ADGRB3: variants seen among roughly 807,000 people sequenced by gnomAD.
The protein encoded by ADGRB3 is adhesion G protein-coupled receptor B3, also known as brain-specific angiogenesis inhibitor 3.
Under a neutral mutation model 193.4 loss-of-function variants are expected in ADGRB3, and 37 were observed. The observed-to-expected ratio is 0.19, with a 90% CI of 0.15 to 0.25. ADGRB3 has a LOEUF of 0.25. Ranked by LOEUF, ADGRB3 falls within the 10% of genes least tolerant of loss-of-function variation. The pLI is 1.00. For synonymous variants in ADGRB3, 690 were observed against 644.2 expected, an observed-to-expected ratio of 1.07 and a Z score of -1.08; for missense variants, 1,637 against 1,852.9, an observed-to-expected ratio of 0.88 and a Z score of 2.14.
At chr6:68,807,252 T>TTA (rs1416480313) in intron 3 of ADGRB3, among the ~76,000 whole-genome samples, 2 of 143,462 alleles carry the variant, frequency 1.4e-5, no homozygotes, top group Admixed American at 1.4e-4. Context: ...TTTTTTTTTT[T>TTA]TTTGAGACAG....
At chr6:69,232,658 C>T (rs1345313112) in intron 17 of ADGRB3, 1 of 1,524,874 alleles carries the variant, frequency 6.6e-7, no homozygotes, top group Admixed American at 2.0e-5. Context: ...CCCTGGATAC[C>T]AGGCAAAGGC....
intron 17 of ADGRB3, among the ~76,000 whole-genome samples, chr6:69,227,840 G>A (rs1318949759): frequency 6.6e-6 from 1 of 152,126 alleles, no homozygotes; most frequent in Non-Finnish European, 1.5e-5. Context: ...ACCCTATTAA[G>A]AGCTATTGAT....
chr6:68,933,114 A>G (rs1395588410), intron 4 of ADGRB3, among the ~76,000 whole-genome samples: 1 of 150,988 alleles, frequency 6.6e-6, no homozygotes, highest in African/African-American at 2.4e-5. Context: ...TAATATATAT[A>G]TTTAATATAG....
At chr6:68,706,421 A>G (rs1765326519) in intron 3 of ADGRB3, among the ~76,000 whole-genome samples, 1 of 152,196 alleles carries the variant, frequency 6.6e-6, no homozygotes, top group Admixed American at 6.5e-5. Flanking sequence ...TACCTAGGCT[A>G]TAAGAAAAAG....
chr6:68,729,229 C>T (rs1765727728), intron 3 of ADGRB3, among the ~76,000 whole-genome samples: 1 of 151,572 alleles, frequency 6.6e-6, no homozygotes, highest in Non-Finnish European at 1.5e-5. Flanking sequence ...TGAAAGCTTT[C>T]CTTGGTAGCT....
chr6:68,643,782 A>C (rs1768139530), intron 3 of ADGRB3, among the ~76,000 whole-genome samples: 1 of 151,528 alleles, frequency 6.6e-6, no homozygotes, highest in Non-Finnish European at 1.5e-5. Flanking sequence ...AAAATACAAA[A>C]ATTAGCCAGG....
intron 20 of ADGRB3, among the ~76,000 whole-genome samples, chr6:69,275,106 T>A (rs758694680): frequency 1.3e-5 from 2 of 152,130 alleles, no homozygotes; most frequent in Non-Finnish European, 2.9e-5. Flanking sequence ...AGGGTTAATA[T>A]CCCGTGCCTC....
At chr6:69,338,531 T>G (rs543990549) in intron 24 of ADGRB3, among the ~76,000 whole-genome samples, 12 of 152,244 alleles carry the variant, frequency 7.9e-5, no homozygotes, top group Non-Finnish European at 1.5e-4. Context: ...CCTTCTGCAA[T>G]TAACAATGAA....
chr6:69,018,560 C>T (rs10485430), intron 13 of ADGRB3, 61 bp downstream of exon 13: 146,002 of 1,052,334 alleles, frequency 0.14, 10,810 homozygotes, highest in Middle Eastern at 0.22. Flanking sequence ...CAAGTATCTA[C>T]ACCATACGTT....
chr6:68,685,694 TG>T (rs1284689095), intron 3 of ADGRB3, among the ~76,000 whole-genome samples: 4 of 151,468 alleles, frequency 2.6e-5, no homozygotes, highest in East Asian at 3.9e-4. Context: ...CTGACCAAGA[TG>T]GTGAAACCCC....
At chr6:68,878,009 G>A (rs1765637854) in intron 3 of ADGRB3, among the ~76,000 whole-genome samples, 1 of 151,998 alleles carries the variant, frequency 6.6e-6, no homozygotes. Context: ...AATGGAATAT[G>A]AGTGCTTAAC....
intron 3 of ADGRB3, among the ~76,000 whole-genome samples, chr6:68,872,052 A>AT (rs1765475819): frequency 6.6e-6 from 1 of 152,018 alleles, no homozygotes; most frequent in Non-Finnish European, 1.5e-5. Flanking sequence ...TTATAAATTA[A>AT]TTTTCTCTTG....
At position 68,928,586 on chromosome 6, in the gene ADGRB3, A is replaced by G. The variant is rs1283238641; in HGVS notation, c.758-1973A>G. On this transcript the variant is annotated intron_variant, in intron 3 of 31. Transcript: ENST00000370598. ...TCATAGTCTCTATTAAAAATAAACC[A>G]TTTTCCTTAGAAGAGAGATTTCAGC... Among the ~76,000 whole-genome samples, 3 of 152,120 alleles carry G rather than the reference A, an allele frequency of 2.0e-5. No individual in the cohort carries two copies. In the East Asian group the frequency reaches 5.8e-4, roughly 29 times the overall value.
At chr6:68,832,268 T>C (rs1032752682) in intron 3 of ADGRB3, among the ~76,000 whole-genome samples, 1 of 152,168 alleles carries the variant, frequency 6.6e-6, no homozygotes, top group Non-Finnish European at 1.5e-5. Flanking sequence ...TAAAAATAAA[T>C]GTGCTTCTAT....
chr6:69,190,886 CACA>C (rs1211046494), intron 17 of ADGRB3, among the ~76,000 whole-genome samples: 2 of 152,080 alleles, frequency 1.3e-5, no homozygotes, highest in East Asian at 3.8e-4. Flanking sequence ...TAACATGTTG[CACA>C]AGTCTATAGC....
chr6:69,336,824 CATATT>C (rs900798351), intron 24 of ADGRB3, among the ~76,000 whole-genome samples: 1 of 152,012 alleles, frequency 6.6e-6, no homozygotes, highest in African/African-American at 2.4e-5. Context: ...ATGAGTTTTT[CATATT>C]ATATTAATTT....
chr6:69,060,879 G>T (rs1042581131), intron 15 of ADGRB3, among the ~76,000 whole-genome samples: 4 of 151,952 alleles, frequency 2.6e-5, no homozygotes, highest in African/African-American at 7.2e-5. Context: ...TGCCAGCTGT[G>T]CTAATATGAT....
At chr6:68,969,813 A>G (rs533968004) in intron 8 of ADGRB3, among the ~76,000 whole-genome samples, 1 of 152,338 alleles carries the variant, frequency 6.6e-6, no homozygotes, top group Middle Eastern at 3.4e-3. Context: ...GGGTTGAAGC[A>G]CTGCACTGGT....
At chr6:69,301,355 A>G (rs1224755673) in intron 20 of ADGRB3, among the ~76,000 whole-genome samples, 1 of 151,842 alleles carries the variant, frequency 6.6e-6, no homozygotes, top group Non-Finnish European at 1.5e-5. Flanking sequence ...TGTATTACCT[A>G]CTGTGCTACT....
Sources: allele counts gnomAD v4.1 joint callset (sites outside exome capture counted in the v4.1 genomes callset), GRCh38; gene constraint gnomAD v4.1.1; transcripts MANE v1.5; gene names NCBI Gene and HGNC (gene_info 2026-07-23, HGNC 2026-07-21).